The following SCAPER variants were observed in gnomAD, a reference collection of about 807,000 sequenced individuals.
SCAPER encodes the protein S phase cyclin A-associated protein in the endoplasmic reticulum.
A neutral mutation model predicts 182.2 loss-of-function variants in SCAPER; 98 were observed. That is an observed-to-expected ratio of 0.54 (90% CI 0.46 to 0.64). SCAPER has a LOEUF of 0.64. Ranked by LOEUF, SCAPER falls within the 30% of genes least tolerant of loss-of-function variation. The pLI is 0.00. For missense variants in SCAPER, 1,432 were observed against 1,690.0 expected, an observed-to-expected ratio of 0.85 and a Z score of 2.68; for synonymous variants, 605 against 564.6, an observed-to-expected ratio of 1.07 and a Z score of -1.01.
intron 24 of SCAPER, among the ~76,000 whole-genome samples, chr15:76,472,555 G>T (rs1227722335): frequency 6.6e-6 from 1 of 152,060 alleles, no homozygotes; most frequent in Non-Finnish European, 1.5e-5. Context: ...TAGTAGAGAC[G>T]GGGTTTCAAC....
At position 76,895,905 on chromosome 15, in the gene SCAPER, T is replaced by G. The variant is rs1382145278; in HGVS notation, c.-60+9394A>C. Among the ~76,000 whole-genome samples the G allele has an allele frequency of 2.0e-5, 3 of 151,894 alleles. No individual in the cohort carries two copies. In the East Asian group the frequency reaches 5.8e-4, roughly 29 times the overall value. Reference sequence around the variant, plus strand: ...AATACAAAAAATTTGCCGGGCATGGTGGCAGGCGACTGTAGTCCCAGCTAC... The same window carrying G: ...AATACAAAAAATTTGCCGGGCATGGGGGCAGGCGACTGTAGTCCCAGCTAC... On this transcript the variant is annotated intron_variant, in intron 1 of 31. Coordinates refer to ENST00000563290, the MANE Select transcript of SCAPER (RefSeq NM_020843.4).
intron 1 of SCAPER, among the ~76,000 whole-genome samples, chr15:76,897,179 C>T (rs746464611): frequency 2.0e-5 from 3 of 152,150 alleles, no homozygotes; most frequent in Admixed American, 6.5e-5. Flanking sequence ...AACCAGCACT[C>T]AATACTTGGT....
chr15:76,719,153 T>G (rs1170546490), intron 17 of SCAPER, among the ~76,000 whole-genome samples: 1 of 152,166 alleles, frequency 6.6e-6, no homozygotes, highest in Non-Finnish European at 1.5e-5. Flanking sequence ...GGAAACTAAG[T>G]GTCCATCAAA....
intron 1 of SCAPER, among the ~76,000 whole-genome samples, chr15:76,885,174 C>T (rs2151963633): frequency 6.6e-6 from 1 of 152,306 alleles, no homozygotes; most frequent in African/African-American, 2.4e-5. Flanking sequence ...AATCATTTAT[C>T]AGTAAAGCTA....
intron 24 of SCAPER, among the ~76,000 whole-genome samples, chr15:76,496,431 T>C (rs1360579930): frequency 2.0e-5 from 3 of 152,174 alleles, no homozygotes; most frequent in Non-Finnish European, 4.4e-5. Context: ...TTGAGAGTTA[T>C]AAAGAATATG....
At position 76,530,896 on chromosome 15, in the gene SCAPER, G is replaced by C. The variant is rs1160463330; in HGVS notation, c.2839-25922C>G. Among the ~76,000 whole-genome samples the C allele has an allele frequency of 1.3e-5, 2 of 151,380 alleles. 1 individual carries two copies. The highest frequency in any genetic ancestry group is 4.2e-4 in the South Asian group (2 of 4,796). ...AAGAACTTTAAAGTTATGTTTGTGTGTATGTGTATATGTAATATATATGTA... is the reference window on the plus strand; with the variant it reads ...AAGAACTTTAAAGTTATGTTTGTGTCTATGTGTATATGTAATATATATGTA... On this transcript the variant is annotated intron_variant, in intron 23 of 31. Transcript: ENST00000563290.
At chr15:76,881,766 T>C (rs2073554829) in intron 2 of SCAPER, among the ~76,000 whole-genome samples, 1 of 152,152 alleles carries the variant, frequency 6.6e-6, no homozygotes, top group South Asian at 2.1e-4. Context: ...GTTTCAATAT[T>C]TCAAGACAAG....
intron 29 of SCAPER, among the ~76,000 whole-genome samples, chr15:76,362,715 CTCTCTCTCTT>C (rs1012441419): frequency 1.6e-5 from 2 of 122,224 alleles, no homozygotes; most frequent in Admixed American, 7.4e-5. Context: ...TCAGCCCTTG[CTCTCTCTCTT>C]TCTCTCTCTT....
At chr15:76,402,248 T>TACATCTTCCA (rs2044514634) in intron 27 of SCAPER, among the ~76,000 whole-genome samples, 1 of 152,088 alleles carries the variant, frequency 6.6e-6, no homozygotes, top group African/African-American at 2.4e-5. Flanking sequence ...GAAGTGGGGG[T>TACATCTTCCA]ATTATCTACC....
chr15:76,803,612 C>T (rs2065936838), intron 6 of SCAPER, among the ~76,000 whole-genome samples: 2 of 152,114 alleles, frequency 1.3e-5, no homozygotes, highest in African/African-American at 2.4e-5. Flanking sequence ...AATCAAGGTG[C>T]CAGCAGATTC....
chr15:76,565,642 T>A (rs534344232), intron 23 of SCAPER, among the ~76,000 whole-genome samples: 2 of 152,274 alleles, frequency 1.3e-5, no homozygotes, highest in East Asian at 3.9e-4. Flanking sequence ...ACAACACTTT[T>A]TAATCACCCT....
chr15:76,388,478 G>A (rs545437703), intron 27 of SCAPER, among the ~76,000 whole-genome samples: 1 of 151,942 alleles, frequency 6.6e-6, no homozygotes, highest in Non-Finnish European at 1.5e-5. Context: ...TTCTAATAAT[G>A]AGAACATCTA....
intron 5 of SCAPER, among the ~76,000 whole-genome samples, chr15:76,824,332 C>G (rs1205899381): frequency 6.6e-6 from 1 of 152,188 alleles, no homozygotes; most frequent in East Asian, 1.9e-4. Flanking sequence ...TAGTTACTGG[C>G]GCACAGAGCA....
chr15:76,550,913 T>G (rs757364787), intron 23 of SCAPER, among the ~76,000 whole-genome samples: 8 of 152,150 alleles, frequency 5.3e-5, no homozygotes, highest in Non-Finnish European at 1.0e-4. Context: ...GTGACATTTC[T>G]CAAAAGATGA....
At chr15:76,673,631 T>A (rs1427654036) in intron 20 of SCAPER, among the ~76,000 whole-genome samples, 1 of 152,128 alleles carries the variant, frequency 6.6e-6, no homozygotes, top group African/African-American at 2.4e-5. Flanking sequence ...ACGTATTTCA[T>A]TTCTTCATTT....
intron 15 of SCAPER, among the ~76,000 whole-genome samples, chr15:76,747,570 G>A (rs1200302825): frequency 1.3e-5 from 2 of 152,054 alleles, no homozygotes; most frequent in Non-Finnish European, 2.9e-5. Flanking sequence ...GAGGCCTAAT[G>A]GGAAGTGTTT....
intron 1 of SCAPER, among the ~76,000 whole-genome samples, chr15:76,898,748 G>C (rs919069837): frequency 6.6e-6 from 1 of 152,204 alleles, no homozygotes; most frequent in African/African-American, 2.4e-5. Context: ...ATAAGATGGG[G>C]AAGTAGGGAG....
At chr15:76,828,566 T>C (rs1054219940) in intron 5 of SCAPER, among the ~76,000 whole-genome samples, 2 of 151,230 alleles carry the variant, frequency 1.3e-5, no homozygotes, top group African/African-American at 4.9e-5. Context: ...TAGTAAATGT[T>C]ACATATACAG....
chr15:76,386,309 T>C (rs2043283898), intron 27 of SCAPER, among the ~76,000 whole-genome samples: 1 of 152,200 alleles, frequency 6.6e-6, no homozygotes, highest in Non-Finnish European at 1.5e-5. Context: ...ATATAGATAC[T>C]ATTGTAGGAA....
Sources: gnomAD v4.1 joint callset for allele counts (sites outside exome capture counted in the v4.1 genomes callset) on GRCh38, gnomAD v4.1.1 for gene constraint, MANE v1.5 for transcripts, NCBI Gene and HGNC (gene_info 2026-07-23, HGNC 2026-07-21) for gene names.